The following ACYP2 variants were observed in gnomAD, a reference collection of about 807,000 sequenced individuals.
The protein encoded by ACYP2 is acylphosphatase-2.
A neutral mutation model predicts 11.2 loss-of-function variants in ACYP2; 12 were observed. The observed-to-expected ratio is 1.08, with a 90% CI of 0.69 to 1.74. The LOEUF is 1.74. ACYP2 is among the 40% of genes most tolerant of loss of function. The pLI, the probability that ACYP2 is intolerant of heterozygous loss-of-function variation, is 0.00. For synonymous variants in ACYP2, 43 were observed against 32.2 expected (o/e 1.33, Z -1.13); for missense variants, 134 against 101.9 (o/e 1.31, Z -1.35).
chr2:54,022,004 C>G (rs546269741), intron 2 of ACYP2, among the ~76,000 whole-genome samples: 1 of 152,236 alleles, frequency 6.6e-6, no homozygotes, highest in African/African-American at 2.4e-5. Flanking sequence ...TAGAGAAATC[C>G]CTATCATCTT....
At chr2:54,187,744 C>T (rs1361377285) in intron 6 of ACYP2, among the ~76,000 whole-genome samples, 1 of 152,168 alleles carries the variant, frequency 6.6e-6, no homozygotes, top group Non-Finnish European at 1.5e-5. Flanking sequence ...CCTTCCACTG[C>T]TATCAGCATA....
At chr2:53,977,413 C>CT (rs918975877) in intron 2 of ACYP2, among the ~76,000 whole-genome samples, 5 of 152,070 alleles carry the variant, frequency 3.3e-5, no homozygotes, top group African/African-American at 1.2e-4. Context: ...TCCCTTAGGT[C>CT]TCAGCCTTCA....
intron 4 of ACYP2, among the ~76,000 whole-genome samples, chr2:54,058,370 A>G (rs1351798754): frequency 6.6e-6 from 1 of 151,670 alleles, no homozygotes; most frequent in African/African-American, 2.4e-5. Flanking sequence ...GGGCTTTTAA[A>G]TCTTCAGTAG....
At chr2:54,002,235 T>C (rs184422672) in intron 2 of ACYP2, among the ~76,000 whole-genome samples, 1 of 152,350 alleles carries the variant, frequency 6.6e-6, no homozygotes, top group African/African-American at 2.4e-5. Flanking sequence ...TTTTCCAGAA[T>C]GTTATACAGC....
intron 6 of ACYP2, among the ~76,000 whole-genome samples, chr2:54,160,132 T>C (rs1243137642): frequency 6.6e-6 from 1 of 152,148 alleles, no homozygotes; most frequent in Non-Finnish European, 1.5e-5. Context: ...CTCAAATATA[T>C]AGGGGACTGG....
chr2:54,109,273 A>G (rs1308789282), intron 4 of ACYP2, among the ~76,000 whole-genome samples: 1 of 152,260 alleles, frequency 6.6e-6, no homozygotes, highest in African/African-American at 2.4e-5. Flanking sequence ...ACCTGGATGG[A>G]ACTGGAAACT....
chr2:54,109,326 C>A (rs751927665), intron 4 of ACYP2, among the ~76,000 whole-genome samples: 1 of 151,924 alleles, frequency 6.6e-6, no homozygotes, highest in Non-Finnish European at 1.5e-5. Flanking sequence ...AACTAAATAT[C>A]GTATGTTCTC....
At chr2:54,078,432 T>C (rs1677464455) in intron 4 of ACYP2, among the ~76,000 whole-genome samples, 2 of 150,582 alleles carry the variant, frequency 1.3e-5, no homozygotes, top group South Asian at 2.1e-4. Context: ...CGCATATATA[T>C]ATATGGAAAC....
intron 2 of ACYP2, among the ~76,000 whole-genome samples, chr2:54,029,397 T>TA (rs58205643): frequency 0.51 from 76,784 of 151,280 alleles, 19,723 homozygotes; most frequent in East Asian, 0.71. Flanking sequence ...ACTTTTTTTT[T>TA]CCGTCCAGAG....
intron 4 of ACYP2, among the ~76,000 whole-genome samples, chr2:54,078,193 C>T (rs10165412): frequency 0.015 from 2,281 of 151,948 alleles, 63 homozygotes; most frequent in African/African-American, 0.052. Flanking sequence ...ATGATCCACC[C>T]GCCTTGGCCT....
intron 6 of ACYP2, among the ~76,000 whole-genome samples, chr2:54,275,709 T>G (rs1688529385): frequency 6.6e-6 from 1 of 152,174 alleles, no homozygotes; most frequent in African/African-American, 2.4e-5. Context: ...GAGAAATGAT[T>G]AAGCATATTT....
chr2:54,072,807 C>T (rs559083501), intron 4 of ACYP2, among the ~76,000 whole-genome samples: 4 of 152,168 alleles, frequency 2.6e-5, no homozygotes, highest in South Asian at 4.2e-4. Flanking sequence ...AAATGATCTG[C>T]CTGCCTCAGC....
Position 54,256,072 on chromosome 2 carries a change from C to T in ACYP2, c.405-48616C>T, listed in dbSNP as rs766831952. 1.4e-5 allele frequency: 23 copies of T among 1,614,156 alleles called. No individual in the cohort carries two copies. Among genetic ancestry groups the T allele is most frequent in the Admixed American group, 3.3e-5 (2 of 60,020 alleles). ...TACCTCTGTCGCCTTGCTCTTTTCTCGGGACCTCTGGCCCTGGTGCGGGTC... is the reference window on the plus strand; with the variant it reads ...TACCTCTGTCGCCTTGCTCTTTTCTTGGGACCTCTGGCCCTGGTGCGGGTC... On this transcript the variant is annotated intron_variant, in intron 6 of 6. Coordinates refer to ENST00000607452, the MANE Select transcript of ACYP2 (RefSeq NM_001320586.2).
rs570598205 is a variant in ACYP2 at position 54,030,021 on chromosome 2, A to G, written c.63-20937A>G. Among the ~76,000 whole-genome samples, 3 of 152,266 alleles carry G rather than the reference A, an allele frequency of 2.0e-5. No individual in the cohort carries two copies. In the South Asian group the frequency reaches 6.2e-4, roughly 32 times the overall value. Reference sequence around the variant, plus strand: ...CACCAGACCAATTCAAAGTGTTACAATTTTCTTAGTGCTTATGTAGGTTGA... The same window carrying G: ...CACCAGACCAATTCAAAGTGTTACAGTTTTCTTAGTGCTTATGTAGGTTGA... On this transcript the variant is annotated intron_variant, in intron 2 of 6. Coordinates refer to ENST00000607452, the MANE Select transcript of ACYP2 (RefSeq NM_001320586.2).
At chr2:54,148,735 C>T (rs1256086498) in intron 6 of ACYP2, among the ~76,000 whole-genome samples, 1 of 152,162 alleles carries the variant, frequency 6.6e-6, no homozygotes, top group Non-Finnish European at 1.5e-5. Context: ...GTAAATTAAG[C>T]TTAACCAACA....
chr2:54,157,917 G>T (rs186815692), intron 6 of ACYP2, among the ~76,000 whole-genome samples: 50 of 152,372 alleles, frequency 3.3e-4, no homozygotes, highest in African/African-American at 1.2e-3. Context: ...AGTGCAGGTA[G>T]TGGGATCATC....
chr2:54,291,264 A>G (rs1006441945), intron 6 of ACYP2, among the ~76,000 whole-genome samples: 1 of 152,148 alleles, frequency 6.6e-6, no homozygotes, highest in African/African-American at 2.4e-5. Context: ...TGCCTTCTAC[A>G]TGTCCTCTGT....
intron 6 of ACYP2, among the ~76,000 whole-genome samples, chr2:54,163,925 C>T (rs530747430): frequency 6.4e-4 from 97 of 152,078 alleles, no homozygotes; most frequent in Non-Finnish European, 1.1e-3. Flanking sequence ...GTGCTAGGCA[C>T]TTTAGGAAAT....
At chr2:54,197,559 G>C (rs1275263382) in intron 6 of ACYP2, among the ~76,000 whole-genome samples, 1 of 152,224 alleles carries the variant, frequency 6.6e-6, no homozygotes, top group Non-Finnish European at 1.5e-5. Context: ...TGTGACAGGA[G>C]TGCTTGGGGA....
Sources: gnomAD v4.1 joint callset for allele counts (sites outside exome capture counted in the v4.1 genomes callset) on GRCh38, gnomAD v4.1.1 for gene constraint, MANE v1.5 for transcripts, NCBI Gene and HGNC (gene_info 2026-07-23, HGNC 2026-07-21) for gene names.